The following FOCAD variants were observed in gnomAD, a reference collection of about 807,000 sequenced individuals.
FOCAD encodes focadhesin.
Under a neutral mutation model 225.6 loss-of-function variants are expected in FOCAD, and 198 were observed. The ratio of observed to expected loss-of-function variants is 0.88; its 90% CI spans 0.78 to 0.99. The LOEUF (loss-of-function observed/expected upper bound fraction) is 0.99, where lower values mean the gene tolerates loss of function less well. Among genes scored for constraint, FOCAD ranks in the 50% least tolerant of loss-of-function variants. The pLI is 0.00. For missense variants in FOCAD, 2,713 were observed against 2,123.6 expected (o/e 1.28, Z -5.46); for synonymous variants, 897 against 755.0 (o/e 1.19, Z -3.08).
chr9:20,781,013 G>T (rs188912030), intron 9 of FOCAD, among the ~76,000 whole-genome samples: 2 of 152,116 alleles, frequency 1.3e-5, no homozygotes, highest in African/African-American at 4.8e-5. Context: ...ATAATTTAAC[G>T]TTGAATCCCC....
chr9:20,699,405 G>T (rs1299717633), intron 1 of FOCAD, among the ~76,000 whole-genome samples: 1 of 151,808 alleles, frequency 6.6e-6, no homozygotes, highest in Non-Finnish European at 1.5e-5. Context: ...CTGTATGTAT[G>T]AAAATCATAT....
At chr9:20,971,195 A>T (rs529770474) in intron 35 of FOCAD, among the ~76,000 whole-genome samples, 1 of 152,280 alleles carries the variant, frequency 6.6e-6, no homozygotes, top group East Asian at 1.9e-4. Flanking sequence ...TTTTCTCCAT[A>T]ATGTGATTAT....
At chr9:20,862,831 G>T in intron 16 of FOCAD, 119 bp downstream of exon 16, 2 of 1,179,898 alleles carry the variant, frequency 1.7e-6, no homozygotes, top group Non-Finnish European at 2.3e-6. Flanking sequence ...CTGAGACCAT[G>T]TTGATATGTT....
At chr9:20,669,690 G>A (rs1211703290) in intron 2 of FOCAD, among the ~76,000 whole-genome samples, 1 of 152,200 alleles carries the variant, frequency 6.6e-6, no homozygotes, top group East Asian at 1.9e-4. Context: ...CATGAGAATC[G>A]CTTGAACCCA....
intron 1 of FOCAD, among the ~76,000 whole-genome samples, chr9:20,693,060 C>T (rs1032060562): frequency 1.3e-5 from 2 of 152,186 alleles, no homozygotes; most frequent in African/African-American, 2.4e-5. Flanking sequence ...CCAAACTCTC[C>T]AGTGGCTTCC....
At chr9:20,777,467 CTT>C (rs1367894600) in intron 8 of FOCAD, among the ~76,000 whole-genome samples, 4 of 151,884 alleles carry the variant, frequency 2.6e-5, no homozygotes, top group African/African-American at 9.7e-5. Flanking sequence ...TAACATGTCT[CTT>C]GTGTTTTATT....
chr9:20,987,098 C>T (rs1841245014), intron 40 of FOCAD, among the ~76,000 whole-genome samples: 1 of 152,162 alleles, frequency 6.6e-6, no homozygotes, highest in Admixed American at 6.6e-5. Flanking sequence ...GCACCAGGCT[C>T]CTGAGGGGTA....
intron 35 of FOCAD, among the ~76,000 whole-genome samples, chr9:20,962,417 C>CACATACATACAT (rs60723308): frequency 0.18 from 26,791 of 149,064 alleles, 2,805 homozygotes; most frequent in Non-Finnish European, 0.23. Flanking sequence ...TATACACACA[C>CACATACATACAT]ACATACATAC....
chr9:20,915,358 C>T (rs761956022), intron 23 of FOCAD, among the ~76,000 whole-genome samples: 10 of 151,910 alleles, frequency 6.6e-5, no homozygotes, highest in Non-Finnish European at 1.0e-4. Flanking sequence ...ATAAAGCAGA[C>T]GAAAAATTAG....
At chr9:20,922,018 C>T (rs1473914968) in intron 24 of FOCAD, among the ~76,000 whole-genome samples, 1 of 152,076 alleles carries the variant, frequency 6.6e-6, no homozygotes, top group African/African-American at 2.4e-5. Context: ...GATTCATGAC[C>T]ATTTTGCAGT....
At chr9:20,890,985 A>G (rs1047355613) in intron 21 of FOCAD, among the ~76,000 whole-genome samples, 2 of 152,064 alleles carry the variant, frequency 1.3e-5, no homozygotes, top group Non-Finnish European at 2.9e-5. Flanking sequence ...GCAATTATCT[A>G]GGCACCATTT....
At chr9:20,711,718 T>G (rs1824866904) in intron 1 of FOCAD, among the ~76,000 whole-genome samples, 1 of 152,190 alleles carries the variant, frequency 6.6e-6, no homozygotes, top group African/African-American at 2.4e-5. Context: ...GAAATATGTG[T>G]TTTGTTTTTG....
At chr9:20,984,804 A>T (rs4313235) in intron 39 of FOCAD, among the ~76,000 whole-genome samples, 54,584 of 151,614 alleles carry the variant, frequency 0.36, 10,093 homozygotes, top group East Asian at 0.51. Flanking sequence ...TTCCTTTTTT[A>T]AAAAAAATAT....
chr9:20,688,629 TAAGA>T (rs142200177), intron 1 of FOCAD, among the ~76,000 whole-genome samples: 1,927 of 151,934 alleles, frequency 0.013, 48 homozygotes, highest in African/African-American at 0.044. Context: ...GTTTGTAGAA[TAAGA>T]AAGAATAAAG....
intron 2 of FOCAD, among the ~76,000 whole-genome samples, chr9:20,660,378 C>T (rs1351910407): frequency 6.6e-6 from 1 of 152,092 alleles, no homozygotes; most frequent in Non-Finnish European, 1.5e-5. Flanking sequence ...TTACTCTCAG[C>T]CAGGAAGTGT....
chr9:20,760,012 A>G (rs567521895), intron 6 of FOCAD, among the ~76,000 whole-genome samples: 2 of 152,272 alleles, frequency 1.3e-5, no homozygotes, highest in Admixed American at 1.3e-4. Context: ...CCTTTCTTCT[A>G]TCCTTACTAC....
intron 9 of FOCAD, among the ~76,000 whole-genome samples, chr9:20,781,157 CTGTA>C (rs1819321063): frequency 6.6e-6 from 1 of 152,160 alleles, no homozygotes; most frequent in South Asian, 2.1e-4. Context: ...TATTGTATAA[CTGTA>C]TGTATCTGGT....
chr9:20,716,578 T>G (rs960794602), intron 2 of FOCAD, among the ~76,000 whole-genome samples: 1 of 152,194 alleles, frequency 6.6e-6, no homozygotes, highest in African/African-American at 2.4e-5. Flanking sequence ...ATATGAACTA[T>G]AGCTTTTTCT....
Position 20,995,568 on chromosome 9 carries a change from C to T in FOCAD, c.5345C>T (p.Ser1782Phe). Reference protein sequence around the residue: ...SRDLLKATLLSLRVLPEFKKK... With the variant: ...SRDLLKATLLFLRVLPEFKKK... ...TTTGTCCCCTTAGCCACCCTGCTGT[C>T]CTTGAGAGTTCTCCCAGAGTTTAAG... Residue 1782 changes from serine to phenylalanine, a missense_variant, in exon 44 of 44, where the codon TCC (serine) becomes TTC (phenylalanine). By Grantham distance (155) the Ser-to-Phe change is radical. Transcript: ENST00000338382. 1 of 1,612,680 alleles carries T rather than the reference C, an allele frequency of 6.2e-7. No homozygotes were observed. The highest frequency in any genetic ancestry group is 8.5e-7 in the Non-Finnish European group (1 of 1,178,858).
Sources: allele counts gnomAD v4.1 joint callset (sites outside exome capture counted in the v4.1 genomes callset), GRCh38; gene constraint gnomAD v4.1.1; transcripts MANE v1.5; gene names NCBI Gene and HGNC (gene_info 2026-07-23, HGNC 2026-07-21).